ZDHHC11: variants seen among roughly 807,000 people sequenced by gnomAD.
ZDHHC11 encodes zDHHC palmitoyltransferase 11, also known as palmitoyltransferase ZDHHC11.
Under a neutral mutation model 51.3 loss-of-function variants are expected in ZDHHC11, and 44 were observed. The ratio of observed to expected loss-of-function variants is 0.86; its 90% CI spans 0.67 to 1.10. The LOEUF is 1.10. ZDHHC11 is among the 50% of genes least tolerant of loss of function. The probability of loss-of-function intolerance (pLI) is 0.00; values close to 1 mark genes in which losing one functional copy is unlikely to be tolerated. For synonymous variants in ZDHHC11, 163 were observed against 222.0 expected (o/e 0.73, Z 2.36); for missense variants, 400 against 537.7 (o/e 0.74, Z 2.53).
At chr5:799,035 C>T (rs1482202717) in intron 12 of ZDHHC11, among the ~76,000 whole-genome samples, 4 of 151,656 alleles carry the variant, frequency 2.6e-5, no homozygotes. Flanking sequence ...TGGGAGCTTG[C>T]TCTTTGCTGT....
rs1052854548 is a variant in ZDHHC11, at chr5:803,037, A to G, written c.1182-1873T>C. 1.6e-4 allele frequency among the ~76,000 whole-genome samples: 24 copies of G among 150,220 alleles called. No individual in the cohort carries two copies. In the East Asian group the frequency reaches 4.1e-3, roughly 25 times the overall value. On this transcript the variant is annotated intron_variant, in intron 11 of 12. Transcript: ENST00000283441. ...CTCTATCTCAAAAAAAAAAAAGAAA[A>G]AGAAAGGAGAAGCTGCTGGTCTTTC...
rs373925288 is a variant in ZDHHC11 at position 850,653 on chromosome 5, G to A, written c.-51C>T. ...TGCGCCGTCAGATCCTGGGAGGGCC[G>A]GCCCCGCCCACTGTCACAGAGACCA... On this transcript the variant is annotated 5_prime_UTR_variant, in exon 1 of 13. Transcript: ENST00000283441. 31 of 1,586,656 alleles carry A rather than the reference G, an allele frequency of 2.0e-5. No homozygotes were observed. Among genetic ancestry groups the A allele is most frequent in the Non-Finnish European group, 2.4e-5 (28 of 1,168,966 alleles).
chr5:821,890 C>T lies in ZDHHC11; in HGVS notation c.1029G>A (p.Gly343=), dbSNP rs750310962. The T allele has an allele frequency of 1.2e-6, 2 of 1,605,312 alleles. No homozygotes were observed. The highest frequency in any genetic ancestry group is 1.7e-5 in the Admixed American group (1 of 59,272). ...GTGCAGATGGACACGGGTCTTCATC[C>T]CCTTCCTGTGGGGAAGTGAAGCAAA... ...NQDGDSTARE[G]DEDPCPSALG... Residue 343 remains glycine, a synonymous_variant, in exon 9 of 13, where the codon GGG becomes GGA. Transcript: ENST00000283441.
chr5:840,810 C>G, intron 4 of ZDHHC11, 160 bp from the exon 5 acceptor site: 1 of 1,498,188 alleles, frequency 6.7e-7, no homozygotes, highest in South Asian at 1.3e-5. Context: ...TACCTGAGTG[C>G]CCCGTAGGCC....
At chr5:856,653 C>G (rs779452736) in intron 1 of ZDHHC11, among the ~76,000 whole-genome samples, 7 of 151,528 alleles carry the variant, frequency 4.6e-5, no homozygotes, top group Non-Finnish European at 8.8e-5. Flanking sequence ...ACACCACACA[C>G]TGCACGTGCA....
At chr5:851,231 A>C (rs895800648), upstream of ZDHHC11, among the ~76,000 whole-genome samples, 3 of 152,084 alleles carry the variant, frequency 2.0e-5, no homozygotes, top group Non-Finnish European at 4.4e-5. Context: ...CCCCTTCCAC[A>C]GGACAGGGAA....
intron 11 of ZDHHC11, among the ~76,000 whole-genome samples, chr5:812,829 T>A (rs1740270686): frequency 6.6e-6 from 1 of 151,206 alleles, no homozygotes; most frequent in African/African-American, 2.4e-5. Flanking sequence ...TATATGCACA[T>A]CATGAGAGGG....
intron 11 of ZDHHC11, among the ~76,000 whole-genome samples, chr5:806,674 A>C (rs1739303445): frequency 6.6e-6 from 1 of 151,364 alleles, no homozygotes; most frequent in South Asian, 2.1e-4. Context: ...AAACTCTATA[A>C]ATCAATAAGA....
At chr5:837,717 G>A (rs1579716127) in intron 5 of ZDHHC11, among the ~76,000 whole-genome samples, 1 of 151,914 alleles carries the variant, frequency 6.6e-6, no homozygotes, top group South Asian at 2.1e-4. Context: ...CTGGGGAACA[G>A]TGCTGACCCA....
At chr5:817,385 T>C (rs2150324685) in intron 10 of ZDHHC11, among the ~76,000 whole-genome samples, 1 of 151,664 alleles carries the variant, frequency 6.6e-6, no homozygotes, top group East Asian at 1.9e-4. Flanking sequence ...CATATGTGTT[T>C]CCTTGAAGAA....
chr5:837,682 A>G (rs1401054304), intron 5 of ZDHHC11, among the ~76,000 whole-genome samples: 1 of 151,834 alleles, frequency 6.6e-6, no homozygotes, highest in Non-Finnish European at 1.5e-5. Context: ...GCTGATGGTC[A>G]GCAGGAGGGG....
chr5:807,342 G>A lies in ZDHHC11; in HGVS notation c.1182-6178C>T, dbSNP rs184232255. On this transcript the variant is annotated intron_variant, in intron 11 of 12. Coordinates refer to ENST00000283441, the MANE Select transcript of ZDHHC11 (RefSeq NM_024786.3). Reference sequence around the variant, plus strand: ...AACTATATCTATATAGATATCTAAGGAACAAAATTTGAAGGAAAGCAAGAG... The same window carrying A: ...AACTATATCTATATAGATATCTAAGAAACAAAATTTGAAGGAAAGCAAGAG... Among the ~76,000 whole-genome samples, 817 of 151,196 alleles carry A rather than the reference G, an allele frequency of 5.4e-3. 1 individual carries two copies. Among genetic ancestry groups the A allele is most frequent in the Admixed American group, 0.01 (153 of 15,184 alleles).
At chr5:846,860 G>GCCC (rs1746287430) in intron 3 of ZDHHC11, among the ~76,000 whole-genome samples, 3 of 116,524 alleles carry the variant, frequency 2.6e-5, no homozygotes, top group African/African-American at 1.2e-4. Flanking sequence ...AACACCTCTC[G>GCCC]TTCTTGCACC....
At chr5:818,528 C>T (rs779057437) in intron 10 of ZDHHC11, among the ~76,000 whole-genome samples, 2 of 151,604 alleles carry the variant, frequency 1.3e-5, no homozygotes, top group African/African-American at 4.8e-5. Context: ...CACCTGTAAC[C>T]TCCAGAAGCT....
chr5:852,522 G>A (rs1747376441), upstream of ZDHHC11, among the ~76,000 whole-genome samples: 1 of 152,148 alleles, frequency 6.6e-6, no homozygotes, highest in Non-Finnish European at 1.5e-5. Flanking sequence ...CGAGCAGCGG[G>A]GACAGACTCC....
intron 6 of ZDHHC11, among the ~76,000 whole-genome samples, chr5:837,009 A>C (rs422396): frequency 6.6e-6 from 1 of 151,386 alleles, no homozygotes; most frequent in Non-Finnish European, 1.5e-5. Flanking sequence ...ATGAGCTGAG[A>C]TTTCACCACT....
intron 4 of ZDHHC11, chr5:842,104 AC>A: frequency 1.0e-6 from 1 of 986,558 alleles, no homozygotes; most frequent in Non-Finnish European, 1.2e-6. Context: ...GGAACAGCAA[AC>A]CCAGGAATTC....
At chr5:854,023 A>G (rs13359745), upstream of ZDHHC11, among the ~76,000 whole-genome samples, 22,501 of 128,934 alleles carry the variant, frequency 0.17, 4,860 homozygotes, top group African/African-American at 0.51. Context: ...ACAGCAAGCC[A>G]GGGGGACAGA....
intron 7 of ZDHHC11, among the ~76,000 whole-genome samples, chr5:829,180 A>G (rs1742736491): frequency 6.7e-6 from 1 of 149,916 alleles, no homozygotes; most frequent in Non-Finnish European, 1.5e-5. Context: ...CAAACAAAAA[A>G]ACAAAAAAAC....
Sources: allele counts gnomAD v4.1 joint callset (sites outside exome capture counted in the v4.1 genomes callset), GRCh38; gene constraint gnomAD v4.1.1; transcripts MANE v1.5; gene names NCBI Gene and HGNC (gene_info 2026-07-23, HGNC 2026-07-21).